The following WDTC1 variants were observed in gnomAD, a reference collection of about 807,000 sequenced individuals.
WDTC1 encodes WD and tetratricopeptide repeats protein 1.
In WDTC1, 12 loss-of-function variants were observed where a neutral mutation model predicts 76.0. The observed-to-expected ratio is 0.16, with a 90% confidence interval of 0.10 to 0.26. The LOEUF (loss-of-function observed/expected upper bound fraction) is 0.26, where lower values mean the gene tolerates loss of function less well. WDTC1 is among the 10% of genes least tolerant of loss of function. WDTC1 has a pLI of 1.00. For missense variants in WDTC1, 511 were observed against 908.8 expected (o/e 0.56, Z 5.63); for synonymous variants, 326 against 350.8 (o/e 0.93, Z 0.79).
intron 1 of WDTC1, among the ~76,000 whole-genome samples, chr1:27,241,135 A>G (rs1343022249): frequency 1.3e-5 from 2 of 152,088 alleles, no homozygotes; most frequent in Non-Finnish European, 2.9e-5. Flanking sequence ...TGTATTTATT[A>G]TCTTCTTTTA....
At chr1:27,304,093 GCCA>G (rs1438976780) in intron 14 of WDTC1, 4 of 344,470 alleles carry the variant, frequency 1.2e-5, no homozygotes, top group Non-Finnish European at 2.1e-5. Context: ...GTCTGCATGT[GCCA>G]GAGCTTGGTT....
chr1:27,294,511 C>T lies in WDTC1; in HGVS notation c.758-3C>T. The T allele has an allele frequency of 6.2e-7, 1 of 1,613,892 alleles. No homozygotes were observed. The highest frequency in any genetic ancestry group is 8.5e-7 in the Non-Finnish European group (1 of 1,179,764). On this transcript the variant is annotated splice_region_variant and splice_polypyrimidine_tract_variant and intron_variant, in intron 8 of 15. Coordinates refer to ENST00000319394, the MANE Select transcript of WDTC1 (RefSeq NM_001276252.2). ...CCTAGTATGACTGGGCTATTCCCTG[C>T]AGGTCACCTGCCAGTGAAGCTTCCT...
chr1:27,299,840 C>A (rs2013787448), intron 12 of WDTC1, among the ~76,000 whole-genome samples: 1 of 152,112 alleles, frequency 6.6e-6, no homozygotes, highest in Admixed American at 6.6e-5. Flanking sequence ...CTACCCCCAT[C>A]CCCACATGCC....
At chr1:27,249,394 A>C (rs916200387) in intron 1 of WDTC1, among the ~76,000 whole-genome samples, 1 of 152,148 alleles carries the variant, frequency 6.6e-6, no homozygotes, top group African/African-American at 2.4e-5. Flanking sequence ...AAATGGAATT[A>C]TGCAATATGT....
chr1:27,297,314 T>C (rs1313799422), intron 11 of WDTC1, among the ~76,000 whole-genome samples, 158 bp downstream of exon 11: 1 of 152,182 alleles, frequency 6.6e-6, no homozygotes, highest in African/African-American at 2.4e-5. Context: ...GGGTGCCTAG[T>C]GTTTCCAGTG....
chr1:27,264,790 G>A (rs2012608016), intron 3 of WDTC1, among the ~76,000 whole-genome samples: 2 of 151,906 alleles, frequency 1.3e-5, no homozygotes, highest in African/African-American at 4.8e-5. Context: ...ACCCAGCCAA[G>A]ATCACATTTT....
intron 3 of WDTC1, among the ~76,000 whole-genome samples, chr1:27,275,782 G>A (rs1308446200): frequency 2.0e-5 from 3 of 152,036 alleles, no homozygotes; most frequent in Non-Finnish European, 2.9e-5. Flanking sequence ...TTAATTGAGT[G>A]GTTTTGACTA....
At chr1:27,239,517 CAAAAAAAAAAAAA>C (rs1165446864) in intron 1 of WDTC1, among the ~76,000 whole-genome samples, 1 of 40,588 alleles carries the variant, frequency 2.5e-5, no homozygotes, top group African/African-American at 1.0e-4. Context: ...GACCCTGTCT[CAAAAAAAAAAAAA>C]AAAAAAAAAA....
At chr1:27,275,914 C>T (rs1375671074) in intron 3 of WDTC1, among the ~76,000 whole-genome samples, 1 of 152,202 alleles carries the variant, frequency 6.6e-6, no homozygotes, top group Non-Finnish European at 1.5e-5. Flanking sequence ...CCCATACTGG[C>T]CCTACCCCAG....
At chr1:27,248,143 T>C (rs2011914387) in intron 1 of WDTC1, among the ~76,000 whole-genome samples, 1 of 152,226 alleles carries the variant, frequency 6.6e-6, no homozygotes, top group South Asian at 2.1e-4. Context: ...GGTGAAACTA[T>C]TTATATTCCT....
intron 1 of WDTC1, among the ~76,000 whole-genome samples, chr1:27,240,951 G>A (rs1229491888): frequency 1.4e-5 from 2 of 146,136 alleles, no homozygotes; most frequent in Non-Finnish European, 3.0e-5. Context: ...CTCCAGCCTG[G>A]GTGACAGTGA....
In WDTC1 at chr1:27,307,806, C is replaced by T. The variant is rs1026978882; in HGVS notation, c.*1423C>T. Reference sequence around the variant, plus strand: ...CCCAGCAACACAGGTGGCAGCTTCTCCCCCTTCCTTCCCACCCCAGTCCCT... The same window carrying T: ...CCCAGCAACACAGGTGGCAGCTTCTTCCCCTTCCTTCCCACCCCAGTCCCT... On this transcript the variant is annotated 3_prime_UTR_variant, in exon 16 of 16. Coordinates refer to ENST00000319394, the MANE Select transcript of WDTC1 (RefSeq NM_001276252.2). The surrounding 1 kb of genome is among the most constrained non-coding windows in gnomAD (Gnocchi z 4.1). 6.5e-6 allele frequency: 1 copy of T among 152,838 alleles called. No individual in the cohort carries two copies. Among genetic ancestry groups the T allele is most frequent in the Non-Finnish European group, 1.5e-5 (1 of 68,226 alleles). The allele number at this position is 152,838 out of a possible 1,614,324, so 9.5% of individuals were successfully genotyped here. A position where few individuals can be genotyped will look rare whatever the true frequency, so the allele number is the denominator to read the frequency against.
intron 1 of WDTC1, among the ~76,000 whole-genome samples, chr1:27,241,738 TTC>T (rs1000745162): frequency 1.2e-4 from 19 of 152,298 alleles, no homozygotes; most frequent in African/African-American, 4.3e-4. Context: ...ATGCTCCCTT[TTC>T]TCTGTTTCCT....
At chr1:27,239,517 C>CA (rs1165446864) in intron 1 of WDTC1, among the ~76,000 whole-genome samples, 7,348 of 39,984 alleles carry the variant, frequency 0.18, 760 homozygotes, top group Non-Finnish European at 0.25. Context: ...GACCCTGTCT[C>CA]AAAAAAAAAA....
chr1:27,253,361 C>T (rs1256118149), intron 1 of WDTC1, among the ~76,000 whole-genome samples: 2 of 148,444 alleles, frequency 1.3e-5, no homozygotes, highest in South Asian at 2.2e-4. Flanking sequence ...TTTCTTCTTT[C>T]TTCTTCTTCT....
At chr1:27,297,257 C>A in intron 11 of WDTC1, 101 bp downstream of exon 11, 1 of 1,066,838 alleles carries the variant, frequency 9.4e-7, no homozygotes, top group South Asian at 1.5e-5. Context: ...CCCACACCCA[C>A]TCATGCATCC....
At chr1:27,257,106 C>T (rs1218369024) in intron 1 of WDTC1, among the ~76,000 whole-genome samples, 1 of 152,196 alleles carries the variant, frequency 6.6e-6, no homozygotes, top group African/African-American at 2.4e-5. Context: ...TCGTGATCCG[C>T]CCACCTCGGC....
At chr1:27,252,279 C>G (rs1005931067) in intron 1 of WDTC1, among the ~76,000 whole-genome samples, 2 of 151,606 alleles carry the variant, frequency 1.3e-5, no homozygotes, top group African/African-American at 4.8e-5. Flanking sequence ...CTGGGGAGGT[C>G]TAGGCTAGAG....
At chr1:27,292,109 T>C in intron 6 of WDTC1, 106 bp from the exon 7 acceptor site, 1 of 1,226,700 alleles carries the variant, frequency 8.2e-7, no homozygotes, top group South Asian at 1.7e-5. Flanking sequence ...TAGAAACAGG[T>C]CCAAAGTCCC....
Sources: allele counts gnomAD v4.1 joint callset (sites outside exome capture counted in the v4.1 genomes callset), GRCh38; gene constraint gnomAD v4.1.1; non-coding constraint Gnocchi (gnomAD v3.1); transcripts MANE v1.5; gene names NCBI Gene and HGNC (gene_info 2026-07-23, HGNC 2026-07-21).